Variants in FER observed in about 807,000 individuals in gnomAD.
The protein encoded by FER is tyrosine-protein kinase Fer.
In FER, 63 loss-of-function variants were observed where a neutral mutation model predicts 111.0. That is an observed-to-expected ratio of 0.57 (90% CI 0.46 to 0.70). The LOEUF is 0.70. FER is among the 30% of genes least tolerant of loss of function. FER has a pLI of 0.00. For missense variants in FER, 914 were observed against 954.0 expected, an observed-to-expected ratio of 0.96 and a Z score of 0.55; for synonymous variants, 327 against 313.9, an observed-to-expected ratio of 1.04 and a Z score of -0.44.
In FER at chr5:108,936,478, A is replaced by G. The variant is rs552808959; in HGVS notation, c.1237-9652A>G. On this transcript the variant is annotated intron_variant, in intron 10 of 19. Coordinates refer to ENST00000281092, the MANE Select transcript of FER (RefSeq NM_005246.4). ...TTATTATGTTGTTTATTTCATATTG[A>G]TTCTCCTATGCTTATTGCCTGTTGA... Among the ~76,000 whole-genome samples the G allele has an allele frequency of 1.1e-4, 17 of 152,062 alleles. No individual in the cohort carries two copies. In the East Asian group the frequency reaches 3.3e-3, roughly 29 times the overall value.
chr5:109,118,823 T>A, intron 17 of FER, among the ~76,000 whole-genome samples: 1 of 152,178 alleles, frequency 6.6e-6, no homozygotes, highest in East Asian at 1.9e-4. Context: ...CTGATGGTAG[T>A]TTGTATTTCT....
Position 108,923,444 on chromosome 5 carries a change from T to A in FER, c.1237-22686T>A, listed in dbSNP as rs560015508. 2.0e-5 allele frequency among the ~76,000 whole-genome samples: 3 copies of A among 152,260 alleles called. No individual in the cohort carries two copies. In the East Asian group the frequency reaches 5.8e-4, roughly 29 times the overall value. On this transcript the variant is annotated intron_variant, in intron 10 of 19. Transcript: ENST00000281092. ...TGTGACCCAGGGAAGTTTTACGGAG[T>A]AAGACTTTTGACTCTCTTGCTCTTT...
chr5:108,875,529 T>C (rs2150258261), intron 8 of FER, among the ~76,000 whole-genome samples: 1 of 152,276 alleles, frequency 6.6e-6, no homozygotes, highest in East Asian at 1.9e-4. Flanking sequence ...TTTAATTGAA[T>C]AATTTGGGAC....
chr5:108,970,720 G>A (rs1341060898), intron 13 of FER, among the ~76,000 whole-genome samples: 3 of 152,150 alleles, frequency 2.0e-5, no homozygotes, highest in African/African-American at 7.2e-5. Context: ...TAGGTCTTGA[G>A]AATAGGCAGA....
At chr5:109,052,968 A>C (rs1773054001) in intron 16 of FER, among the ~76,000 whole-genome samples, 1 of 152,204 alleles carries the variant, frequency 6.6e-6, no homozygotes, top group Admixed American at 6.5e-5. Context: ...CCCATGCATG[A>C]TTTTATAGCA....
chr5:109,122,387 T>G (rs1404341838), intron 17 of FER, among the ~76,000 whole-genome samples: 1 of 152,168 alleles, frequency 6.6e-6, no homozygotes, highest in Non-Finnish European at 1.5e-5. Flanking sequence ...TCCAAAATTC[T>G]TCTTGTTTTT....
chr5:108,933,543 A>T (rs1219691763), intron 10 of FER, among the ~76,000 whole-genome samples: 1 of 151,978 alleles, frequency 6.6e-6, no homozygotes, highest in Non-Finnish European at 1.5e-5. Flanking sequence ...TTCCAGCTTT[A>T]TTCTTTTTGC....
chr5:108,785,925 C>A (rs1484784474), intron 2 of FER, among the ~76,000 whole-genome samples: 6 of 152,144 alleles, frequency 3.9e-5, no homozygotes, highest in Non-Finnish European at 8.8e-5. Flanking sequence ...CAGAGTTCTT[C>A]GTTTGTCTCT....
Position 108,799,823 on chromosome 5 carries a change from T to C in FER, c.207+1434T>C, listed in dbSNP as rs184366147. ...GTCCAAAGGCTTTCTGCTTCATTTA[T>C]CCCTCTTGTTTTCTTTTCTTTTCTT... On this transcript the variant is annotated intron_variant, in intron 3 of 19. Transcript: ENST00000281092. Among the ~76,000 whole-genome samples the C allele has an allele frequency of 2.6e-5, 4 of 151,648 alleles. No individual in the cohort carries two copies. The East Asian group carries it at 7.7e-4, about 29-fold the overall frequency.
chr5:108,856,447 TTCA>T (rs1385718030), intron 5 of FER, among the ~76,000 whole-genome samples: 2 of 152,184 alleles, frequency 1.3e-5, no homozygotes, highest in Admixed American at 1.3e-4. Context: ...GTTAAGTGTG[TTCA>T]TCAACTTATT....
intron 3 of FER, among the ~76,000 whole-genome samples, chr5:108,818,945 A>G (rs978653006): frequency 6.6e-6 from 1 of 152,188 alleles, no homozygotes; most frequent in Non-Finnish European, 1.5e-5. Flanking sequence ...TAAGTACTAA[A>G]TAGAAATTAA....
intron 17 of FER, among the ~76,000 whole-genome samples, chr5:109,131,102 G>T (rs1228188965): frequency 6.6e-6 from 1 of 152,090 alleles, no homozygotes; most frequent in African/African-American, 2.4e-5. Context: ...GAGAGAAACT[G>T]ATTTTTTACT....
chr5:108,853,057 T>G (rs191379389), intron 5 of FER, among the ~76,000 whole-genome samples: 1 of 152,286 alleles, frequency 6.6e-6, no homozygotes, highest in East Asian at 1.9e-4. Flanking sequence ...CTTCTATATT[T>G]TATCGGTAAG....
intron 10 of FER, among the ~76,000 whole-genome samples, chr5:108,931,422 T>G (rs1014179577): frequency 6.6e-6 from 1 of 152,208 alleles, no homozygotes; most frequent in African/African-American, 2.4e-5. Flanking sequence ...ATTTCTGAAA[T>G]GTAGATCCAA....
At chr5:109,163,323 C>T (rs1280279263) in intron 17 of FER, among the ~76,000 whole-genome samples, 2 of 151,954 alleles carry the variant, frequency 1.3e-5, no homozygotes, top group East Asian at 3.9e-4. Context: ...CAGTTTAGGG[C>T]CATTATGAAG....
At chr5:108,782,393 T>G (rs1166141609) in intron 2 of FER, among the ~76,000 whole-genome samples, 2 of 152,118 alleles carry the variant, frequency 1.3e-5, no homozygotes, top group Non-Finnish European at 2.9e-5. Flanking sequence ...TAGACCACGT[T>G]TCTTACATGC....
intron 2 of FER, among the ~76,000 whole-genome samples, chr5:108,797,731 G>A (rs1756195834): frequency 6.6e-6 from 1 of 152,232 alleles, no homozygotes; most frequent in South Asian, 2.1e-4. Flanking sequence ...TGTGTAAATA[G>A]TTGTTAAATT....
intron 13 of FER, among the ~76,000 whole-genome samples, chr5:109,031,711 G>A (rs1429378853): frequency 6.6e-6 from 1 of 151,996 alleles, no homozygotes; most frequent in African/African-American, 2.4e-5. Flanking sequence ...CTATGCTTTT[G>A]CCAAAGTTAT....
intron 13 of FER, among the ~76,000 whole-genome samples, chr5:109,003,224 C>T (rs1400649633): frequency 1.3e-5 from 2 of 152,168 alleles, no homozygotes; most frequent in African/African-American, 4.8e-5. Context: ...ACCCAAATGT[C>T]CAACAATGAT....
Sources: gnomAD v4.1 joint callset for allele counts (sites outside exome capture counted in the v4.1 genomes callset) on GRCh38, gnomAD v4.1.1 for gene constraint, MANE v1.5 for transcripts, NCBI Gene and HGNC (gene_info 2026-07-23, HGNC 2026-07-21) for gene names.